The following UBR2 variants were observed in gnomAD, a reference collection of about 807,000 sequenced individuals.
UBR2 encodes ubiquitin protein ligase E3 component n-recognin 2.
A neutral mutation model predicts 247.9 loss-of-function variants in UBR2; 92 were observed. The observed-to-expected ratio is 0.37, with a 90% confidence interval of 0.31 to 0.44. UBR2 has a LOEUF of 0.44. Ranked by LOEUF, UBR2 falls within the 20% of genes least tolerant of loss-of-function variation. The pLI is 1.00. For missense variants in UBR2, 1,613 were observed against 2,112.6 expected (o/e 0.76, Z 4.64); for synonymous variants, 672 against 693.5 (o/e 0.97, Z 0.49).
At chr6:42,647,653 T>C (rs1373338954) in intron 21 of UBR2, among the ~76,000 whole-genome samples, 1 of 152,098 alleles carries the variant, frequency 6.6e-6, no homozygotes, top group Non-Finnish European at 1.5e-5. Context: ...TAAAGAATTA[T>C]TTATTCACAG....
At chr6:42,642,711 A>C (rs1796518616) in intron 18 of UBR2, among the ~76,000 whole-genome samples, 1 of 152,042 alleles carries the variant, frequency 6.6e-6, no homozygotes, top group South Asian at 2.1e-4. Context: ...TTTCCTCCAT[A>C]CCTTCTTCCT....
At chr6:42,678,280 GAGCCGAGATTGTGCCACTGCACTCC>G (rs1798832955) in intron 40 of UBR2, among the ~76,000 whole-genome samples, 1 of 152,336 alleles carries the variant, frequency 6.6e-6, no homozygotes, top group Admixed American at 6.5e-5. Context: ...AGCTTGCAGT[GAGCCGAGATTGTGCCACTGCACTCC>G]AGCCTGGGCG....
At chr6:42,678,750 G>T in intron 41 of UBR2, 81 bp downstream of exon 41, 1 of 1,478,088 alleles carries the variant, frequency 6.8e-7, no homozygotes, top group South Asian at 1.3e-5. Context: ...TTGCAAAAAT[G>T]AAAATTGACT....
At chr6:42,656,068 T>TA (rs1170799718) in intron 26 of UBR2, among the ~76,000 whole-genome samples, 1 of 152,192 alleles carries the variant, frequency 6.6e-6, no homozygotes, top group African/African-American at 2.4e-5. Flanking sequence ...CTTTTTATTT[T>TA]AAAAATTTCA....
chr6:42,660,831 G>C (rs1411628114), intron 30 of UBR2, among the ~76,000 whole-genome samples: 1 of 151,594 alleles, frequency 6.6e-6, no homozygotes, highest in Non-Finnish European at 1.5e-5. Flanking sequence ...GCCAAATTTG[G>C]TGGCACGCGC....
intron 21 of UBR2, among the ~76,000 whole-genome samples, chr6:42,646,812 TATATATATAG>T (rs1796785401): frequency 2.0e-5 from 3 of 146,570 alleles, no homozygotes; most frequent in South Asian, 4.3e-4. Flanking sequence ...TATGTTTATA[TATATATATAG>T]AGAGAGAGAG....
At chr6:42,690,092 G>A (rs1799668110) in intron 46 of UBR2, among the ~76,000 whole-genome samples, 1 of 152,124 alleles carries the variant, frequency 6.6e-6, no homozygotes, top group African/African-American at 2.4e-5. Flanking sequence ...AAAACATAAA[G>A]AACAATATAA....
At chr6:42,666,296 A>G in intron 34 of UBR2, 51 bp downstream of exon 34, 1 of 1,477,560 alleles carries the variant, frequency 6.8e-7, no homozygotes, top group South Asian at 1.2e-5. Flanking sequence ...GAAATGAATG[A>G]TTAAGTCAGC....
intron 11 of UBR2, among the ~76,000 whole-genome samples, chr6:42,624,879 C>G (rs1435190502): frequency 6.6e-6 from 1 of 152,222 alleles, no homozygotes; most frequent in Non-Finnish European, 1.5e-5. Context: ...TATCATTTAA[C>G]TTACATCTTA....
chr6:42,638,555 A>G (rs544234270), intron 15 of UBR2, among the ~76,000 whole-genome samples: 21 of 152,318 alleles, frequency 1.4e-4, no homozygotes, highest in African/African-American at 4.6e-4. Flanking sequence ...CGTAAGAAGA[A>G]ATCTCTCTTA....
chr6:42,588,652 G>A (rs1374781839), intron 2 of UBR2, among the ~76,000 whole-genome samples: 2 of 152,146 alleles, frequency 1.3e-5, no homozygotes, highest in Admixed American at 6.5e-5. Flanking sequence ...GGGTGACAGA[G>A]CTAGACCCTA....
intron 6 of UBR2, 122 bp downstream of exon 6, chr6:42,605,981 A>G (rs1793671201): frequency 5.4e-6 from 5 of 926,306 alleles, no homozygotes; most frequent in Non-Finnish European, 7.7e-6. Context: ...TTCATTTGTC[A>G]TGCCTGTAAT....
At chr6:42,572,161 A>G (rs779472002) in intron 1 of UBR2, among the ~76,000 whole-genome samples, 1 of 152,298 alleles carries the variant, frequency 6.6e-6, no homozygotes, top group East Asian at 1.9e-4. Context: ...AAACACAACA[A>G]TGTTAGTAAT....
intron 21 of UBR2, among the ~76,000 whole-genome samples, chr6:42,647,063 C>T (rs1796810827): frequency 6.6e-6 from 1 of 151,740 alleles, no homozygotes; most frequent in Non-Finnish European, 1.5e-5. Flanking sequence ...CTCAAGTGAT[C>T]TGCCCACCTC....
intron 11 of UBR2, among the ~76,000 whole-genome samples, chr6:42,622,644 T>C (rs1322073163): frequency 6.6e-6 from 1 of 150,826 alleles, no homozygotes; most frequent in Non-Finnish European, 1.5e-5. Flanking sequence ...CCTCAGGTTA[T>C]CTGCCCACCT....
At position 42,606,727 on chromosome 6, in the gene UBR2, A is replaced by C. The variant is rs1793728009; in HGVS notation, c.864+76A>C. On this transcript the variant is annotated intron_variant, in intron 7 of 46. Coordinates refer to ENST00000372901, the MANE Select transcript of UBR2 (RefSeq NM_001363705.2). ...GCTTCATATTTCAGCATTTATGAAC[A>C]TGTCTTTCTGCTTTCTCAAATGAAA... is the stretch of plus-strand genomic sequence containing the variant. 3.9e-6 allele frequency: 5 copies of C among 1,267,178 alleles called. No individual in the cohort carries two copies. The East Asian group carries it at 1.2e-4, about 32-fold the overall frequency. The allele number at this position is 1,267,178 out of a possible 1,614,324, so 78.5% of individuals were successfully genotyped here.
chr6:42,619,594 GA>G, intron 11 of UBR2: 1 of 215,234 alleles, frequency 4.6e-6, no homozygotes, highest in Non-Finnish European at 9.0e-6. Context: ...ACTAAAAATA[GA>G]AAAATTAGCC....
chr6:42,571,855 T>G (rs1191749081), intron 1 of UBR2, among the ~76,000 whole-genome samples: 3 of 152,122 alleles, frequency 2.0e-5, no homozygotes, highest in Non-Finnish European at 4.4e-5. Flanking sequence ...AAACGAGGTC[T>G]TTTAGCTCAA....
At chr6:42,673,651 T>A in intron 36 of UBR2, 140 bp from the exon 37 acceptor site, 1 of 600,728 alleles carries the variant, frequency 1.7e-6, no homozygotes, top group South Asian at 2.0e-5. Flanking sequence ...GTTAGAGGCA[T>A]GTCATTGAGA....
Sources: allele counts gnomAD v4.1 joint callset (sites outside exome capture counted in the v4.1 genomes callset), GRCh38; gene constraint gnomAD v4.1.1; transcripts MANE v1.5; gene names NCBI Gene and HGNC (gene_info 2026-07-23, HGNC 2026-07-21).